The following TRAPPC9 variants were observed in gnomAD, a reference collection of about 807,000 sequenced individuals.
TRAPPC9 encodes IKK2 binding protein.
TRAPPC9 carries 83 observed loss-of-function variants against 124.0 expected under a neutral mutation model. That is an observed-to-expected ratio of 0.67 (90% confidence interval 0.56 to 0.80). TRAPPC9 has a LOEUF of 0.80. Ranked by LOEUF, TRAPPC9 falls within the 30% of genes least tolerant of loss-of-function variation. TRAPPC9 has a pLI of 0.00. For missense variants in TRAPPC9, 1,302 were observed against 1,508.3 expected (o/e 0.86, Z 2.27); for synonymous variants, 638 against 617.5 (o/e 1.03, Z -0.49).
chr8:140,330,767 T>C (rs2066874298), intron 9 of TRAPPC9, among the ~76,000 whole-genome samples: 1 of 152,164 alleles, frequency 6.6e-6, no homozygotes, highest in African/African-American at 2.4e-5. Flanking sequence ...TCAAATTACT[T>C]TCTTGGGGCT....
intron 1 of TRAPPC9, among the ~76,000 whole-genome samples, chr8:140,455,228 G>T (rs2071610725): frequency 6.6e-6 from 1 of 152,144 alleles, no homozygotes; most frequent in Non-Finnish European, 1.5e-5. Flanking sequence ...TGCCTCCCAG[G>T]TTCAAGCGAT....
intron 17 of TRAPPC9, among the ~76,000 whole-genome samples, chr8:140,172,029 T>A (rs1218047873): frequency 6.6e-6 from 1 of 152,144 alleles, no homozygotes; most frequent in Non-Finnish European, 1.5e-5. Flanking sequence ...TGAGTTCATA[T>A]CTGAAGGCTA....
intron 21 of TRAPPC9, among the ~76,000 whole-genome samples, chr8:139,879,973 G>A (rs749738362): frequency 6.6e-6 from 1 of 152,146 alleles, no homozygotes; most frequent in Non-Finnish European, 1.5e-5. Flanking sequence ...AGCCAAGATC[G>A]TTCCATGGGG....
rs1201910572 is a variant in TRAPPC9, at chr8:140,423,620, TACACATATACATACACATATATA to T, written c.886+2972_886+2994del. Among the ~76,000 whole-genome samples the T allele has an allele frequency of 2.8e-3, 359 of 129,706 alleles. 1 individual carries two copies. Among genetic ancestry groups the T allele is most frequent in the African/African-American group, 0.01 (342 of 32,992 alleles). The allele number at this position is 129,706 out of a possible 152,430, so 85.1% of individuals were successfully genotyped here. ...CACACACACACACACATCACATATA[TACACATATACATACACATATATA>T]ACACATATACATACACACATATATA... On this transcript the variant is annotated intron_variant, in intron 5 of 22. Transcript: ENST00000438773.
intron 4 of TRAPPC9, among the ~76,000 whole-genome samples, chr8:140,427,487 A>G (rs1374685731): frequency 2.0e-5 from 3 of 152,166 alleles, no homozygotes; most frequent in African/African-American, 4.8e-5. Context: ...AGCTTAAAAT[A>G]CAAAACTATT....
chr8:140,443,610 T>C (rs2071126015), intron 2 of TRAPPC9, among the ~76,000 whole-genome samples: 1 of 149,586 alleles, frequency 6.7e-6, no homozygotes, highest in South Asian at 2.1e-4. Flanking sequence ...AAACTTAAGA[T>C]GCCAGAGCAG....
chr8:139,801,410 G>C (rs1379344249), intron 21 of TRAPPC9, among the ~76,000 whole-genome samples: 1 of 152,258 alleles, frequency 6.6e-6, no homozygotes, highest in East Asian at 1.9e-4. Context: ...CCAGTGAGTG[G>C]TGCGTGGGTG....
intron 16 of TRAPPC9, chr8:140,238,567 G>A (rs2063779006): frequency 6.6e-6 from 1 of 152,226 alleles, no homozygotes; most frequent in Non-Finnish European, 1.5e-5. Context: ...GCTGTCCGAC[G>A]CGTCATTAAC....
At chr8:139,805,748 A>C (rs1040204456) in intron 21 of TRAPPC9, among the ~76,000 whole-genome samples, 2 of 152,166 alleles carry the variant, frequency 1.3e-5, no homozygotes. Context: ...AAGATCAACC[A>C]CAGACCCAGA....
chr8:140,164,221 A>C (rs1433715909), intron 17 of TRAPPC9, among the ~76,000 whole-genome samples: 1 of 152,208 alleles, frequency 6.6e-6, no homozygotes, highest in Non-Finnish European at 1.5e-5. Flanking sequence ...ACTTCACAAA[A>C]GAGGGACTGC....
chr8:140,045,631 GAAAAAAA>G (rs57243402), intron 17 of TRAPPC9, among the ~76,000 whole-genome samples: 5 of 33,266 alleles, frequency 1.5e-4, no homozygotes, highest in East Asian at 1.6e-3. Context: ...CATCTCGGCA[GAAAAAAA>G]AAAAAAAAAA....
At chr8:140,266,886 T>C (rs2064684672) in intron 15 of TRAPPC9, among the ~76,000 whole-genome samples, 2 of 151,826 alleles carry the variant, frequency 1.3e-5, no homozygotes, top group South Asian at 4.2e-4. Context: ...AACCCACTCA[T>C]CTCTGTGTTA....
chr8:140,403,736 CA>C (rs1451981307), intron 6 of TRAPPC9, among the ~76,000 whole-genome samples: 1 of 151,650 alleles, frequency 6.6e-6, no homozygotes, highest in African/African-American at 2.4e-5. Context: ...CGGCTCACTG[CA>C]ACTTCCGCCT....
At chr8:140,250,758 C>T (rs1236031902) in intron 16 of TRAPPC9, among the ~76,000 whole-genome samples, 1 of 152,170 alleles carries the variant, frequency 6.6e-6, no homozygotes. Context: ...CCAGCCAGAG[C>T]TTCTATTAAC....
At chr8:139,840,863 C>T (rs1481525489) in intron 21 of TRAPPC9, among the ~76,000 whole-genome samples, 1 of 152,206 alleles carries the variant, frequency 6.6e-6, no homozygotes, top group Non-Finnish European at 1.5e-5. Flanking sequence ...TTTTCTGCTA[C>T]TTTCTATGGC....
At chr8:140,390,596 C>T (rs545921451) in intron 7 of TRAPPC9, among the ~76,000 whole-genome samples, 5 of 152,294 alleles carry the variant, frequency 3.3e-5, no homozygotes, top group African/African-American at 1.2e-4. Context: ...AGATTCCCAC[C>T]GCTTTGCAGG....
intron 17 of TRAPPC9, among the ~76,000 whole-genome samples, chr8:140,028,796 G>C (rs1840316636): frequency 6.6e-6 from 1 of 152,184 alleles, no homozygotes; most frequent in Non-Finnish European, 1.5e-5. Context: ...TAGAATATAT[G>C]AGAATACAGG....
At chr8:140,069,373 T>A (rs2129767839) in intron 17 of TRAPPC9, among the ~76,000 whole-genome samples, 1 of 152,188 alleles carries the variant, frequency 6.6e-6, no homozygotes, top group South Asian at 2.1e-4. Flanking sequence ...AAGAATGTGA[T>A]CCACCTTAAA....
chr8:140,373,502 A>G (rs1004994568), intron 7 of TRAPPC9, among the ~76,000 whole-genome samples: 1 of 152,042 alleles, frequency 6.6e-6, no homozygotes, highest in Admixed American at 6.5e-5. Flanking sequence ...TCTCCTAACC[A>G]TGCTGGACTC....
Sources: gnomAD v4.1 joint callset for allele counts (sites outside exome capture counted in the v4.1 genomes callset) on GRCh38, gnomAD v4.1.1 for gene constraint, MANE v1.5 for transcripts, NCBI Gene and HGNC (gene_info 2026-07-23, HGNC 2026-07-21) for gene names.